MAML2: variants seen among roughly 807,000 people sequenced by gnomAD.
The protein encoded by MAML2 is mastermind like transcriptional coactivator 2, also known as mastermind-like protein 2.
In MAML2, 22 loss-of-function variants were observed where a neutral mutation model predicts 96.1. The observed-to-expected ratio is 0.23, with a 90% confidence interval of 0.16 to 0.33. The LOEUF is 0.33. MAML2 is among the 10% of genes least tolerant of loss of function. The pLI is 1.00. For missense variants in MAML2, 1,367 were observed against 1,392.4 expected, an observed-to-expected ratio of 0.98 and a Z score of 0.29; for synonymous variants, 561 against 521.3, an observed-to-expected ratio of 1.08 and a Z score of -1.04.
chr11:96,086,525 T>C (rs1474852825), intron 2 of MAML2, among the ~76,000 whole-genome samples: 1 of 152,114 alleles, frequency 6.6e-6, no homozygotes, highest in Admixed American at 6.5e-5. Flanking sequence ...CAAATCAGCC[T>C]AGCAATAGAA....
At chr11:96,007,206 T>G (rs113005239) in intron 2 of MAML2, among the ~76,000 whole-genome samples, 1 of 148,654 alleles carries the variant, frequency 6.7e-6, no homozygotes, top group Non-Finnish European at 1.5e-5. Flanking sequence ...AGAGATGAGG[T>G]TTCACCATGT....
At chr11:96,054,294 C>A (rs1859030214) in intron 2 of MAML2, among the ~76,000 whole-genome samples, 1 of 152,142 alleles carries the variant, frequency 6.6e-6, no homozygotes. Context: ...TGTGCCTTAA[C>A]TTTTTAAATA....
chr11:96,322,887 C>T (rs1464540893), intron 1 of MAML2, among the ~76,000 whole-genome samples: 1 of 152,136 alleles, frequency 6.6e-6, no homozygotes, highest in Non-Finnish European at 1.5e-5. Context: ...AGTGGAGAAT[C>T]ACAGTGTGCC....
intron 1 of MAML2, among the ~76,000 whole-genome samples, chr11:96,105,194 C>A (rs981546287): frequency 6.6e-6 from 1 of 152,220 alleles, no homozygotes; most frequent in African/African-American, 2.4e-5. Flanking sequence ...ATTAATCCCA[C>A]TCTTCCACAT....
In MAML2 at chr11:96,264,846, C is replaced by T. The variant is rs116658767; in HGVS notation, c.513+76537G>A. On this transcript the variant is annotated intron_variant, in intron 1 of 4. Transcript: ENST00000524717. ...AGTTACCACACAGCATATCTTATTT[C>T]GGCATAGGGTACTTATTTAGTTTTG... is the stretch of plus-strand genomic sequence containing the variant. 2.9e-3 allele frequency among the ~76,000 whole-genome samples: 439 copies of T among 152,268 alleles called. 2 individuals are homozygous for T. Among genetic ancestry groups the T allele is most frequent in the East Asian group, 0.01 (52 of 5,182 alleles).
In MAML2 at chr11:96,342,809, C is replaced by T. The variant is rs1339669126; in HGVS notation, c.-914G>A. On this transcript the variant is annotated 5_prime_UTR_variant, in exon 1 of 5. Coordinates refer to ENST00000524717, the MANE Select transcript of MAML2 (RefSeq NM_032427.4). ...TCCTTCAACACATTTTTTTCTTTCC[C>T]GCTTACGTTTCTATTCCTCACCCCC... The T allele has an allele frequency of 3.2e-6, 1 of 313,924 alleles. No homozygotes were observed. Among genetic ancestry groups the T allele is most frequent in the Non-Finnish European group, 5.8e-6 (1 of 172,722 alleles). The allele number at this position is 313,924 out of a possible 1,614,324, so 19.4% of individuals were successfully genotyped here. A position where few individuals can be genotyped will look rare whatever the true frequency, so the allele number is the denominator to read the frequency against.
At chr11:96,045,102 GGT>G (rs1858875594) in intron 2 of MAML2, among the ~76,000 whole-genome samples, 1 of 152,096 alleles carries the variant, frequency 6.6e-6, no homozygotes, top group African/African-American at 2.4e-5. Flanking sequence ...AGATGGGGGT[GGT>G]GGTGGTGGAT....
intron 1 of MAML2, among the ~76,000 whole-genome samples, chr11:96,128,996 G>T (rs1591029706): frequency 6.6e-6 from 1 of 152,252 alleles, no homozygotes; most frequent in Admixed American, 6.5e-5. Context: ...TCCATTGTTA[G>T]GCATTTTGCG....
chr11:96,054,020 T>C (rs776599482), intron 2 of MAML2, among the ~76,000 whole-genome samples: 4 of 152,054 alleles, frequency 2.6e-5, no homozygotes, highest in East Asian at 1.9e-4. Flanking sequence ...TTATATTCCA[T>C]TGGGAGAAAA....
intron 1 of MAML2, among the ~76,000 whole-genome samples, chr11:96,232,506 G>T (rs1454422423): frequency 6.6e-5 from 10 of 151,794 alleles, no homozygotes; most frequent in African/African-American, 2.4e-4. Context: ...ATCTCACTCA[G>T]TCGCCCAGGC....
intron 2 of MAML2, among the ~76,000 whole-genome samples, chr11:96,047,425 T>A (rs527551899): frequency 6.6e-6 from 1 of 152,288 alleles, no homozygotes; most frequent in African/African-American, 2.4e-5. Flanking sequence ...CTTCTTTAAG[T>A]GGGGTTAATA....
intron 1 of MAML2, among the ~76,000 whole-genome samples, chr11:96,265,780 G>C (rs1220370761): frequency 6.6e-6 from 1 of 152,196 alleles, no homozygotes; most frequent in African/African-American, 2.4e-5. Context: ...GGGGCAGTTG[G>C]AGGAGCGCTC....
At chr11:96,087,193 C>A (rs1859630831) in intron 2 of MAML2, among the ~76,000 whole-genome samples, 1 of 152,154 alleles carries the variant, frequency 6.6e-6, no homozygotes, top group Non-Finnish European at 1.5e-5. Context: ...ACCAACCAAC[C>A]AACAGAATAA....
At chr11:96,076,437 C>CACACACACAT (rs1859439707) in intron 2 of MAML2, among the ~76,000 whole-genome samples, 3 of 39,632 alleles carry the variant, frequency 7.6e-5, no homozygotes, top group African/African-American at 2.8e-4. Context: ...CTCTCTCACA[C>CACACACACAT]ACACACACAC....
chr11:96,126,358 G>A (rs1591028396), intron 1 of MAML2, among the ~76,000 whole-genome samples: 1 of 152,292 alleles, frequency 6.6e-6, no homozygotes, highest in East Asian at 1.9e-4. Flanking sequence ...AGGAGTTCCA[G>A]ACAAGCCTGA....
intron 1 of MAML2, among the ~76,000 whole-genome samples, chr11:96,297,193 C>T (rs531296417): frequency 6.6e-6 from 1 of 152,260 alleles, no homozygotes; most frequent in African/African-American, 2.4e-5. Flanking sequence ...GTTTCAAAGA[C>T]ATCTTCATTT....
At chr11:96,198,716 C>T (rs1364007444) in intron 1 of MAML2, among the ~76,000 whole-genome samples, 1 of 152,026 alleles carries the variant, frequency 6.6e-6, no homozygotes, top group Non-Finnish European at 1.5e-5. Flanking sequence ...TGGCAAAGTT[C>T]CGGAAGGAGG....
At position 95,978,766 on chromosome 11, in the gene MAML2, T is replaced by G; in HGVS notation, c.*182A>C. 3 of 599,424 alleles carry G rather than the reference T, an allele frequency of 5.0e-6. No homozygotes were observed. The highest frequency in any genetic ancestry group is 2.8e-6 in the Non-Finnish European group (1 of 351,700). The allele number at this position is 599,424 out of a possible 1,614,324, so 37.1% of individuals were successfully genotyped here. A position where few individuals can be genotyped will look rare whatever the true frequency, so the allele number is the denominator to read the frequency against. On this transcript the variant is annotated 3_prime_UTR_variant, in exon 5 of 5. Coordinates refer to ENST00000524717, the MANE Select transcript of MAML2 (RefSeq NM_032427.4). ...GATCCCAATATTTTACTTTCAGGTG[T>G]AAGATTTAAAACAAGAATTTGGACC...
At chr11:96,030,917 T>C (rs1260994131) in intron 2 of MAML2, among the ~76,000 whole-genome samples, 1 of 152,224 alleles carries the variant, frequency 6.6e-6, no homozygotes, top group Admixed American at 6.5e-5. Flanking sequence ...ATCCTTGTTC[T>C]TATTAAGGGT....
Sources: allele counts gnomAD v4.1 joint callset (sites outside exome capture counted in the v4.1 genomes callset), GRCh38; gene constraint gnomAD v4.1.1; transcripts MANE v1.5; gene names NCBI Gene and HGNC (gene_info 2026-07-23, HGNC 2026-07-21).